Variants in JAZF1 observed in about 807,000 individuals in gnomAD.
JAZF1 encodes juxtaposed with another zinc finger protein 1.
A neutral mutation model predicts 26.4 loss-of-function variants in JAZF1; 8 were observed. The ratio of observed to expected loss-of-function variants is 0.30; its 90% CI spans 0.18 to 0.55. The LOEUF is 0.55. Among genes scored for constraint, JAZF1 ranks in the 20% least tolerant of loss-of-function variants. JAZF1 has a pLI of 0.94. For synonymous variants in JAZF1, 126 were observed against 122.3 expected (o/e 1.03, Z -0.20); for missense variants, 199 against 322.0 (o/e 0.62, Z 2.92).
Position 27,935,902 on chromosome 7 carries a change from G to A in JAZF1, c.189-40486C>T, listed in dbSNP as rs113318436. Among the ~76,000 whole-genome samples the A allele has an allele frequency of 8.4e-3, 1,281 of 152,264 alleles. 19 individuals carry two copies. The highest frequency in any genetic ancestry group is 0.03 in the African/African-American group (1,226 of 41,552). On this transcript the variant is annotated intron_variant, in intron 2 of 4. Transcript: ENST00000283928. Reference sequence around the variant, plus strand: ...AGCAGCAGAAGTGGGACCAGGAGCTGGGTCGCCCAAAGTTCCATGCAGGGC... The same window carrying A: ...AGCAGCAGAAGTGGGACCAGGAGCTAGGTCGCCCAAAGTTCCATGCAGGGC...
chr7:28,179,937 C>T (rs1583602507), intron 1 of JAZF1, among the ~76,000 whole-genome samples: 2 of 141,858 alleles, frequency 1.4e-5, no homozygotes, highest in South Asian at 4.4e-4. Flanking sequence ...CACCTCCCCG[C>T]GGCTGCAGCC....
Position 28,081,898 on chromosome 7 carries a change from G to A in JAZF1, c.116-89917C>T, listed in dbSNP as rs1415521737. Among the ~76,000 whole-genome samples, 11 of 152,164 alleles carry A rather than the reference G, an allele frequency of 7.2e-5. No homozygotes were observed. In the East Asian group the frequency reaches 2.1e-3, roughly 29 times the overall value. Reference sequence around the variant, plus strand: ...ATGCTTTCTTAAAAAGATCACTATAGTAAAACTATTAATCTATATACCTGG... The same window carrying A: ...ATGCTTTCTTAAAAAGATCACTATAATAAAACTATTAATCTATATACCTGG... On this transcript the variant is annotated intron_variant, in intron 1 of 4. Coordinates refer to ENST00000283928, the MANE Select transcript of JAZF1 (RefSeq NM_175061.4).
At chr7:28,114,353 C>G (rs1249941407) in intron 1 of JAZF1, among the ~76,000 whole-genome samples, 1 of 151,948 alleles carries the variant, frequency 6.6e-6, no homozygotes, top group Non-Finnish European at 1.5e-5. Context: ...TGAACACAGC[C>G]CTGAAAACTA....
intron 1 of JAZF1, among the ~76,000 whole-genome samples, chr7:28,153,198 G>A (rs1032598826): frequency 6.6e-6 from 1 of 152,064 alleles, no homozygotes; most frequent in Non-Finnish European, 1.5e-5. Context: ...TCATCTTGGA[G>A]CATACAGTTC....
intron 1 of JAZF1, among the ~76,000 whole-genome samples, chr7:28,110,368 G>C (rs1463892270): frequency 6.6e-6 from 1 of 151,168 alleles, no homozygotes; most frequent in African/African-American, 2.4e-5. Flanking sequence ...AGAGGTTGTA[G>C]TGAGCCGAGA....
intron 1 of JAZF1, among the ~76,000 whole-genome samples, chr7:28,019,248 G>A (rs1294131997): frequency 2.0e-5 from 3 of 152,170 alleles, no homozygotes; most frequent in Admixed American, 1.3e-4. Context: ...GCGCTGACAA[G>A]CCACACTGTA....
intron 1 of JAZF1, among the ~76,000 whole-genome samples, chr7:28,023,410 T>C (rs1405345870): frequency 6.6e-6 from 1 of 152,256 alleles, no homozygotes; most frequent in South Asian, 2.1e-4. Flanking sequence ...TTTCCAATTA[T>C]GTTTGCATTC....
At chr7:27,899,086 G>A (rs1339616960) in intron 2 of JAZF1, among the ~76,000 whole-genome samples, 1 of 152,118 alleles carries the variant, frequency 6.6e-6, no homozygotes, top group African/African-American at 2.4e-5. Context: ...CATTAACCAT[G>A]ACTTAACCCA....
chr7:28,160,905 G>A (rs1783274399), intron 1 of JAZF1, among the ~76,000 whole-genome samples: 1 of 152,158 alleles, frequency 6.6e-6, no homozygotes, highest in Non-Finnish European at 1.5e-5. Context: ...GGAGAGAAAA[G>A]TTCTTGAGCT....
intron 3 of JAZF1, among the ~76,000 whole-genome samples, chr7:27,868,130 T>C (rs1283844937): frequency 6.6e-6 from 1 of 152,244 alleles, no homozygotes; most frequent in Admixed American, 6.5e-5. Context: ...CTTGGATCAG[T>C]GCCTGCCATA....
chr7:27,973,602 G>T (rs1245771085), intron 2 of JAZF1, among the ~76,000 whole-genome samples: 2 of 152,214 alleles, frequency 1.3e-5, no homozygotes, highest in South Asian at 2.1e-4. Context: ...CCCGGTAGGG[G>T]GTGTATGATT....
chr7:27,873,680 G>A (rs1783623386), intron 3 of JAZF1, among the ~76,000 whole-genome samples: 1 of 152,194 alleles, frequency 6.6e-6, no homozygotes, highest in Non-Finnish European at 1.5e-5. Flanking sequence ...AGGCACTGAG[G>A]TTGAGTCTCC....
chr7:28,082,034 T>C (rs1345694855), intron 1 of JAZF1, among the ~76,000 whole-genome samples: 1 of 152,202 alleles, frequency 6.6e-6, no homozygotes, highest in Non-Finnish European at 1.5e-5. Flanking sequence ...AAATGCTACA[T>C]TCTGCGATAA....
At chr7:28,157,665 G>A (rs970142248) in intron 1 of JAZF1, among the ~76,000 whole-genome samples, 2 of 152,162 alleles carry the variant, frequency 1.3e-5, no homozygotes, top group Non-Finnish European at 2.9e-5. Flanking sequence ...TCGTGGAGGA[G>A]ACATACTATC....
intron 1 of JAZF1, among the ~76,000 whole-genome samples, chr7:28,104,335 T>A (rs1216899806): frequency 6.6e-6 from 1 of 152,344 alleles, no homozygotes; most frequent in Admixed American, 6.5e-5. Context: ...AGCTAACACA[T>A]AAATTCCACA....
At chr7:28,002,619 A>T (rs1782621822) in intron 1 of JAZF1, among the ~76,000 whole-genome samples, 2 of 152,182 alleles carry the variant, frequency 1.3e-5, no homozygotes, top group Non-Finnish European at 2.9e-5. Context: ...GGCGTTTTGA[A>T]ACTAAAACTT....
rs78606896 is a variant in JAZF1, at chr7:27,847,526, A to G, written c.386-6659T>C. Among the ~76,000 whole-genome samples, 1,248 of 152,204 alleles carry G rather than the reference A, an allele frequency of 8.2e-3. 20 individuals are homozygous for G. The highest frequency in any genetic ancestry group is 0.029 in the African/African-American group (1,188 of 41,530). On this transcript the variant is annotated intron_variant, in intron 3 of 4. Transcript: ENST00000283928. The stretch of plus-strand genomic sequence containing the variant: ...AAACCCAGTTGTCCCAGCACCAATT[A>G]CTGAAGAGACTATCCTTTCCCCATT...
intron 1 of JAZF1, among the ~76,000 whole-genome samples, chr7:28,023,877 G>T (rs1260566050): frequency 1.3e-5 from 2 of 152,164 alleles, no homozygotes; most frequent in African/African-American, 2.4e-5. Context: ...ATTAAGAAAT[G>T]AGCACCTAGA....
At chr7:28,122,907 C>T (rs1333119890) in intron 1 of JAZF1, among the ~76,000 whole-genome samples, 3 of 152,068 alleles carry the variant, frequency 2.0e-5, no homozygotes, top group South Asian at 2.1e-4. Context: ...ATTTCAGCCT[C>T]GATGAAATTC....
Sources: allele counts gnomAD v4.1 joint callset (sites outside exome capture counted in the v4.1 genomes callset), GRCh38; gene constraint gnomAD v4.1.1; transcripts MANE v1.5; gene names NCBI Gene and HGNC (gene_info 2026-07-23, HGNC 2026-07-21).